Variants in SLC5A10 observed in about 807,000 individuals in gnomAD.
SLC5A10 encodes the protein solute carrier family 5 member 10, also known as sodium/mannose cotransporter SLC5A10.
In SLC5A10, 55 loss-of-function variants were observed where a neutral mutation model predicts 68.9. The ratio of observed to expected loss-of-function variants is 0.80; its 90% confidence interval spans 0.64 to 1.00. SLC5A10 has a LOEUF of 1.00. Ranked by LOEUF, SLC5A10 falls within the 50% of genes least tolerant of loss-of-function variation. SLC5A10 has a pLI of 0.00. For synonymous variants in SLC5A10, 344 were observed against 344.8 expected (o/e 1.00, Z 0.02); for missense variants, 732 against 819.3 (o/e 0.89, Z 1.30).
chr17:19,015,204 G>GGGGGTGGGGGCCGGTAC lies in SLC5A10; in HGVS notation c.1241+17_1241+18insGGTACGGGGTGGGGGCC. The GGGGGTGGGGGCCGGTAC allele has an allele frequency of 6.7e-7, 1 of 1,491,946 alleles. No homozygotes were observed. The highest frequency in any genetic ancestry group is 1.3e-5 in the African/African-American group (1 of 74,372). The allele number at this position is 1,491,946 out of a possible 1,614,324, so 92.4% of individuals were successfully genotyped here. ...GGAGCTCCTGCTGGTGGGACGGTAC[G>GGGGGTGGGGGCCGGTAC]GGGGTGGGGGCCAGTACGGGGGTGG... On this transcript the variant is annotated splice_donor_region_variant and intron_variant, in intron 11 of 14. Transcript: ENST00000395645.
intron 9 of SLC5A10, among the ~76,000 whole-genome samples, chr17:18,995,315 A>T (rs964716826): frequency 2.0e-5 from 3 of 152,238 alleles, no homozygotes; most frequent in Non-Finnish European, 4.4e-5. Flanking sequence ...ATCGAAATTC[A>T]AGAGGTGAAA....
chr17:19,019,709 CCAGGGGGCCTTCTGGGGCCTGATAG>C lies in SLC5A10; in HGVS notation c.1413_1437del (p.Ala472TrpfsTer13). The C allele has an allele frequency of 2.5e-6, 4 of 1,608,902 alleles. No homozygotes were observed. The highest frequency in any genetic ancestry group is 3.4e-6 in the Non-Finnish European group (4 of 1,179,334). ...CCCACATGCCCTGCCTCCCTCCTCC[CCAGGGGGCCTTCTGGGGCCTGATAG>C]CAGGGCTGGTGGTGGGGGCCACGAG... is the stretch of plus-strand genomic sequence containing the variant. On this transcript the variant is annotated splice_acceptor_variant and splice_polypyrimidine_tract_variant and coding_sequence_variant and intron_variant, in exon 13 of 15. Transcript: ENST00000395645. LOFTEE classifies it high-confidence loss of function.
intron 9 of SLC5A10, among the ~76,000 whole-genome samples, chr17:19,008,771 T>C (rs1380968760): frequency 6.6e-6 from 1 of 151,970 alleles, no homozygotes; most frequent in African/African-American, 2.4e-5. Flanking sequence ...AGTGCTGGGA[T>C]TACAGGCGTG....
At chr17:19,002,819 G>A (rs1037891918) in intron 9 of SLC5A10, among the ~76,000 whole-genome samples, 4 of 152,190 alleles carry the variant, frequency 2.6e-5, no homozygotes, top group African/African-American at 9.7e-5. Flanking sequence ...CCCAACAGGG[G>A]TGGAGAAGGG....
chr17:18,992,178 T>C (rs1010056829), intron 9 of SLC5A10, among the ~76,000 whole-genome samples: 4 of 152,170 alleles, frequency 2.6e-5, no homozygotes, highest in African/African-American at 9.6e-5. Context: ...CCTCCCATGC[T>C]GTACCCTCCC....
At chr17:18,992,934 G>A (rs1013488406) in intron 9 of SLC5A10, among the ~76,000 whole-genome samples, 1 of 152,176 alleles carries the variant, frequency 6.6e-6, no homozygotes, top group Non-Finnish European at 1.5e-5. Context: ...ACAGCCTGTG[G>A]CTCCTGACAC....
At chr17:18,979,333 T>G (rs937270119) in intron 9 of SLC5A10, 1 of 625,002 alleles carries the variant, frequency 1.6e-6, no homozygotes, top group African/African-American at 1.8e-5. Flanking sequence ...TCCAGGCCGG[T>G]GACATCTCCA....
upstream of SLC5A10, among the ~76,000 whole-genome samples, chr17:18,951,103 C>T (rs1458995066): frequency 6.6e-6 from 1 of 152,254 alleles, no homozygotes; most frequent in African/African-American, 2.4e-5. Context: ...CTGGTGGCAG[C>T]CGCTCACTCA....
At chr17:18,972,521 C>T (rs984809974) in intron 8 of SLC5A10, among the ~76,000 whole-genome samples, 2 of 152,174 alleles carry the variant, frequency 1.3e-5, no homozygotes, top group African/African-American at 4.8e-5. Context: ...CCAAGCAGCA[C>T]GGGCTCCATC....
chr17:18,988,527 C>T (rs2043326467), intron 9 of SLC5A10: 1 of 1,517,116 alleles, frequency 6.6e-7, no homozygotes, highest in East Asian at 2.3e-5. Flanking sequence ...GGTGCCCACT[C>T]TGGCCCTACT....
rs1342108230 is a variant in SLC5A10, at chr17:19,015,210, G to GGGGGCCGGTACGGGGGT, written c.1241+17_1241+18insGGTACGGGGGTGGGGCC. 3 of 1,406,882 alleles carry GGGGGCCGGTACGGGGGT rather than the reference G, an allele frequency of 2.1e-6. 1 individual carries two copies. The highest frequency in any genetic ancestry group is 2.9e-6 in the Non-Finnish European group (3 of 1,022,206). 87.1% of individuals were successfully genotyped at this position (1,406,882 alleles called of 1,614,324 possible). A position where few individuals can be genotyped will look rare whatever the true frequency, so the allele number is the denominator to read the frequency against. On this transcript the variant is annotated intron_variant, in intron 11 of 14. Coordinates refer to ENST00000395645, the MANE Select transcript of SLC5A10 (RefSeq NM_001042450.4). ...CCTGCTGGTGGGACGGTACGGGGGT[G>GGGGGCCGGTACGGGGGT]GGGGCCAGTACGGGGGTGGGGGAAC...
At chr17:18,979,723 A>G (rs1442046653) in intron 9 of SLC5A10, 2 of 1,604,966 alleles carry the variant, frequency 1.2e-6, no homozygotes, top group South Asian at 2.2e-5. Flanking sequence ...CCCTGACCAC[A>G]CAGGGCGAGG....
At chr17:18,978,438 A>G in intron 9 of SLC5A10, 1 of 1,601,528 alleles carries the variant, frequency 6.2e-7, no homozygotes, top group Non-Finnish European at 8.5e-7. Flanking sequence ...GTGGGCAGGT[A>G]CTCAAACATG....
chr17:18,986,810 G>C (rs2043281657), intron 9 of SLC5A10, among the ~76,000 whole-genome samples: 1 of 152,238 alleles, frequency 6.6e-6, no homozygotes, highest in East Asian at 1.9e-4. Flanking sequence ...GGGCCCCACT[G>C]GGGTCTCTTC....
chr17:19,015,265 T>A, intron 11 of SLC5A10, 66 bp downstream of exon 11: 1 of 1,167,832 alleles, frequency 8.6e-7, no homozygotes. Context: ...GCACTGACTT[T>A]GAGGGATGAG....
chr17:18,959,350 C>T (rs1358559561), intron 3 of SLC5A10, 111 bp downstream of exon 3: 2 of 1,170,094 alleles, frequency 1.7e-6, no homozygotes, highest in Admixed American at 1.9e-5. Context: ...TCCAGGTGGG[C>T]TCTGTGCAGT....
intron 9 of SLC5A10, among the ~76,000 whole-genome samples, chr17:18,993,690 G>A (rs2043489443): frequency 6.6e-6 from 1 of 152,198 alleles, no homozygotes; most frequent in Non-Finnish European, 1.5e-5. Flanking sequence ...CACCTGAGAA[G>A]TGCCGGGGGT....
Position 19,017,681 on chromosome 17 carries a change from C to T in SLC5A10, c.1242-1742C>T, listed in dbSNP as rs555202535. 1.3e-4 allele frequency: 52 copies of T among 393,908 alleles called. No individual in the cohort carries two copies. The East Asian group carries it at 1.9e-3, about 14-fold the overall frequency. The allele number at this position is 393,908 out of a possible 1,614,324, so 24.4% of individuals were successfully genotyped here. Reference sequence around the variant, plus strand: ...CCCCACTCTCCCCTGTCTGTGTTCCCGGCTGTTCAGTCCGTAAATGGGGCC... The same window carrying T: ...CCCCACTCTCCCCTGTCTGTGTTCCTGGCTGTTCAGTCCGTAAATGGGGCC... On this transcript the variant is annotated intron_variant, in intron 11 of 14. Coordinates refer to ENST00000395645, the MANE Select transcript of SLC5A10 (RefSeq NM_001042450.4). This position sits in a 1 kb window ranked among gnomAD's most constrained non-coding sequence, Gnocchi z 5.6.
intron 9 of SLC5A10, chr17:18,977,852 C>T (rs1461383788): frequency 6.2e-7 from 1 of 1,611,010 alleles, no homozygotes; most frequent in East Asian, 2.2e-5. Flanking sequence ...CCGTCGGGGG[C>T]CAGGGCCACG....
Sources: gnomAD v4.1 joint callset for allele counts (sites outside exome capture counted in the v4.1 genomes callset) on GRCh38, gnomAD v4.1.1 for gene constraint, Gnocchi (gnomAD v3.1) non-coding constraint, MANE v1.5 for transcripts, NCBI Gene and HGNC (gene_info 2026-07-23, HGNC 2026-07-21) for gene names.